Variants in CCDC33 observed in about 807,000 individuals in gnomAD.
The protein encoded by CCDC33 is coiled-coil domain containing 33.
CCDC33 carries 94 observed loss-of-function variants against 91.9 expected under a neutral mutation model. The observed-to-expected ratio is 1.02, with a 90% CI of 0.87 to 1.21. CCDC33 has a LOEUF of 1.21. CCDC33 is among the 50% of genes most tolerant of loss of function. CCDC33 has a pLI of 0.00. For synonymous variants in CCDC33, 396 were observed against 374.5 expected (o/e 1.06, Z -0.66); for missense variants, 940 against 935.5 (o/e 1.00, Z -0.06).
chr15:74,262,584 G>C lies in CCDC33; in HGVS notation c.319+11G>C, dbSNP rs780957055. ...ATGCAGGGCAAGAAGGTAAGCAGGG[G>C]CTGGGCAGGGCCGGCATGTGCAGGC... is the stretch of plus-strand genomic sequence containing the variant. On this transcript the variant is annotated intron_variant, in intron 3 of 18. Coordinates refer to ENST00000398814, the MANE Select transcript of CCDC33 (RefSeq NM_025055.5). The C allele has an allele frequency of 6.2e-7, 1 of 1,610,156 alleles. No individual in the cohort carries two copies. Among genetic ancestry groups the C allele is most frequent in the Non-Finnish European group, 8.5e-7 (1 of 1,178,390 alleles).
At chr15:74,228,057 G>A (rs1420028454) in intron 2 of CCDC33, among the ~76,000 whole-genome samples, 1 of 152,184 alleles carries the variant, frequency 6.6e-6, no homozygotes, top group Non-Finnish European at 1.5e-5. Context: ...CTCCATGCAG[G>A]AAGCATTTGT....
At chr15:74,232,775 G>A (rs559391528), upstream of CCDC33, among the ~76,000 whole-genome samples, 69 of 152,322 alleles carry the variant, frequency 4.5e-4, no homozygotes, top group African/African-American at 1.4e-3. Context: ...AGCTCTTAAC[G>A]CGGACAGTGA....
rs985782832 is a variant in CCDC33 at position 74,236,412 on chromosome 15, G to T, written c.-308G>T. 8 of 394,784 alleles carry T rather than the reference G, an allele frequency of 2.0e-5. No individual in the cohort carries two copies. The highest frequency in any genetic ancestry group is 3.6e-5 in the Non-Finnish European group (8 of 220,252). The allele number at this position is 394,784 out of a possible 1,614,324, so 24.5% of individuals were successfully genotyped here. Reference sequence around the variant, plus strand: ...TGTGCCAAGAGTCAATTGCCTCATTGCTGACCCTGTCCAGCTGGCCATGGC... The same window carrying T: ...TGTGCCAAGAGTCAATTGCCTCATTTCTGACCCTGTCCAGCTGGCCATGGC... On this transcript the variant is annotated 5_prime_UTR_variant, in exon 1 of 19. Coordinates refer to ENST00000398814, the MANE Select transcript of CCDC33 (RefSeq NM_025055.5).
chr15:74,243,836 T>C, intron 1 of CCDC33, 149 bp from the exon 2 acceptor site: 2 of 831,358 alleles, frequency 2.4e-6, no homozygotes, highest in Non-Finnish European at 3.9e-6. Context: ...TCCCAGCTAC[T>C]GTGGAGGCTG....
chr15:74,294,450 A>G (rs1368220244), intron 10 of CCDC33, among the ~76,000 whole-genome samples: 6 of 152,082 alleles, frequency 3.9e-5, no homozygotes, highest in Non-Finnish European at 8.8e-5. Context: ...TTAAAAAAAA[A>G]AAACAAAAAA....
At chr15:74,254,976 G>A (rs533822362) in intron 2 of CCDC33, among the ~76,000 whole-genome samples, 2 of 152,164 alleles carry the variant, frequency 1.3e-5, no homozygotes, top group South Asian at 4.2e-4. Flanking sequence ...TCGAACTCCT[G>A]ATTGCAGGTG....
At chr15:74,309,515 G>A (rs1173637382) in intron 11 of CCDC33, among the ~76,000 whole-genome samples, 1 of 152,324 alleles carries the variant, frequency 6.6e-6, no homozygotes, top group East Asian at 1.9e-4. Context: ...TCTTTAGCTG[G>A]GAAAGGGGGA....
At chr15:74,320,056 A>G (rs1246333122) in intron 11 of CCDC33, among the ~76,000 whole-genome samples, 1 of 152,096 alleles carries the variant, frequency 6.6e-6, no homozygotes, top group Admixed American at 6.5e-5. Context: ...TTAAACAGCA[A>G]TTTGCACAGA....
upstream of CCDC33, chr15:74,213,560 G>A (rs2074387968): frequency 1.3e-5 from 2 of 152,250 alleles, no homozygotes; most frequent in East Asian, 1.9e-4. Flanking sequence ...CTATTCACCT[G>A]CCTCTTGTTG....
At chr15:74,207,557 T>C in intron 1 of CCDC33, 1 of 797,622 alleles carries the variant, frequency 1.3e-6, no homozygotes, top group Non-Finnish European at 2.0e-6. Context: ...CCCTCCCATC[T>C]CAGCCCTTGA....
At chr15:74,325,626 C>T (rs2060295641) in intron 11 of CCDC33, among the ~76,000 whole-genome samples, 1 of 152,176 alleles carries the variant, frequency 6.6e-6, no homozygotes, top group Non-Finnish European at 1.5e-5. Flanking sequence ...GACTGTGCTG[C>T]TTCCAATGTA....
At chr15:74,274,912 G>C (rs914151640) in intron 7 of CCDC33, among the ~76,000 whole-genome samples, 3 of 152,254 alleles carry the variant, frequency 2.0e-5, no homozygotes, top group African/African-American at 7.2e-5. Context: ...TTGGGAATTT[G>C]CTGGCAGCTG....
At chr15:74,333,841 T>C in intron 16 of CCDC33, 40 bp from the exon 17 acceptor site, 1 of 1,547,182 alleles carries the variant, frequency 6.5e-7, no homozygotes, top group South Asian at 1.1e-5. Flanking sequence ...TGCCACAGCC[T>C]CCAGCTGGGG....
intron 2 of CCDC33, among the ~76,000 whole-genome samples, chr15:74,221,749 A>C (rs942591639): frequency 6.6e-6 from 1 of 152,034 alleles, no homozygotes; most frequent in African/African-American, 2.4e-5. Flanking sequence ...GAATTTACCC[A>C]CCTAGAGGGC....
intron 2 of CCDC33, among the ~76,000 whole-genome samples, chr15:74,252,513 C>T (rs16967133): frequency 2.2e-3 from 336 of 152,362 alleles, no homozygotes; most frequent in African/African-American, 7.9e-3. Context: ...CTATTTACAC[C>T]CTCTGGTTCT....
chr15:74,271,560 G>T, intron 5 of CCDC33, 143 bp from the exon 6 acceptor site: 1 of 628,838 alleles, frequency 1.6e-6, no homozygotes. Context: ...GTAAGGCAGG[G>T]AACAGGGAGA....
intron 7 of CCDC33, among the ~76,000 whole-genome samples, chr15:74,277,371 G>GGTGGAT (rs2076475850): frequency 6.6e-6 from 1 of 152,262 alleles, no homozygotes; most frequent in African/African-American, 2.4e-5. Flanking sequence ...AGCAGGCAGA[G>GGTGGAT]GTGGATGTGG....
chr15:74,236,543 G>C lies in CCDC33; in HGVS notation c.-177G>C. 34 of 267,038 alleles carry C rather than the reference G, an allele frequency of 1.3e-4. No homozygotes were observed. The highest frequency in any genetic ancestry group is 4.8e-4 in the East Asian group (5 of 10,398). 16.5% of individuals were successfully genotyped at this position (267,038 alleles called of 1,614,324 possible). ...CCCCTCCCCCCACATCCAGGCCCCA[G>C]GGCTGGTGTGTGGCACCCCTGAGAC... On this transcript the variant is annotated 5_prime_UTR_variant, in exon 1 of 19. Coordinates refer to ENST00000398814, the MANE Select transcript of CCDC33 (RefSeq NM_025055.5).
chr15:74,276,140 AG>A (rs1393221363), intron 7 of CCDC33, among the ~76,000 whole-genome samples: 1 of 152,202 alleles, frequency 6.6e-6, no homozygotes, highest in African/African-American at 2.4e-5. Flanking sequence ...TAAATGTGGA[AG>A]GTTATGGAGG....
Sources: gnomAD v4.1 joint callset for allele counts (sites outside exome capture counted in the v4.1 genomes callset) on GRCh38, gnomAD v4.1.1 for gene constraint, MANE v1.5 for transcripts, NCBI Gene and HGNC (gene_info 2026-07-23, HGNC 2026-07-21) for gene names.